Variants in NEDD4 observed in about 807,000 individuals in gnomAD.
NEDD4 encodes E3 ubiquitin-protein ligase NEDD4.
NEDD4 carries 99 observed loss-of-function variants against 144.9 expected under a neutral mutation model. The ratio of observed to expected loss-of-function variants is 0.68; its 90% CI spans 0.58 to 0.81. The LOEUF is 0.81. Among genes scored for constraint, NEDD4 ranks in the 30% least tolerant of loss-of-function variants. The probability of loss-of-function intolerance (pLI) is 0.00; values close to 1 mark genes in which losing one functional copy is unlikely to be tolerated. For missense variants in NEDD4, 985 were observed against 1,065.9 expected (o/e 0.92, Z 1.06); for synonymous variants, 318 against 350.6 (o/e 0.91, Z 1.04).
chr15:55,828,971 A>C lies in NEDD4; in HGVS notation c.*926T>G, dbSNP rs1281196215. On this transcript the variant is annotated 3_prime_UTR_variant, in exon 29 of 29. Transcript: ENST00000435532. ...CCTGTAAACATACATTTACTACATA[A>C]TTGTACAAGTGTAAAGAATATCTAG... 1 of 152,640 alleles carries C rather than the reference A, an allele frequency of 6.6e-6. No homozygotes were observed. Among genetic ancestry groups the C allele is most frequent in the African/African-American group, 2.4e-5 (1 of 41,464 alleles). The allele number at this position is 152,640 out of a possible 1,614,324, so 9.5% of individuals were successfully genotyped here. A position where few individuals can be genotyped will look rare whatever the true frequency, so the allele number is the denominator to read the frequency against.
intron 5 of NEDD4, among the ~76,000 whole-genome samples, chr15:55,881,599 T>A (rs1209041152): frequency 6.6e-6 from 1 of 152,218 alleles, no homozygotes; most frequent in South Asian, 2.1e-4. Flanking sequence ...AACTGAATTA[T>A]CTAGTTAACT....
intron 1 of NEDD4, among the ~76,000 whole-genome samples, chr15:55,976,462 A>G (rs2037700932): frequency 6.6e-6 from 1 of 152,228 alleles, no homozygotes; most frequent in African/African-American, 2.4e-5. Context: ...GAAAACAAGT[A>G]TTTGAAAAGG....
intron 1 of NEDD4, among the ~76,000 whole-genome samples, chr15:55,969,169 A>G (rs2037567205): frequency 6.6e-6 from 1 of 152,192 alleles, no homozygotes; most frequent in Non-Finnish European, 1.5e-5. Flanking sequence ...ATTGGAACTC[A>G]GTGCTGCCCT....
chr15:55,922,254 G>A (rs1043674058), intron 5 of NEDD4, among the ~76,000 whole-genome samples: 1 of 152,142 alleles, frequency 6.6e-6, no homozygotes, highest in Non-Finnish European at 1.5e-5. Flanking sequence ...ATTGAAATGT[G>A]TAATCACAGA....
At chr15:55,905,278 A>G (rs2036053222) in intron 5 of NEDD4, 3 of 455,854 alleles carry the variant, frequency 6.6e-6, no homozygotes, top group African/African-American at 2.0e-5. Context: ...GTCACTAACC[A>G]TGGCTGTAAA....
In NEDD4 at chr15:55,873,912, T is replaced by C. The variant is rs2034897122; in HGVS notation, c.342+46A>G. ...ATTATATATGTAAGTATTTATTAAATTAAAAAAATAAGCCCAAAAGGAAAA... is the reference window on the plus strand; with the variant it reads ...ATTATATATGTAAGTATTTATTAAACTAAAAAAATAAGCCCAAAAGGAAAA... On this transcript the variant is annotated intron_variant, in intron 6 of 28. Coordinates refer to ENST00000435532, the MANE Select transcript of NEDD4 (RefSeq NM_006154.4). 2.8e-6 allele frequency: 3 copies of C among 1,059,356 alleles called. No individual in the cohort carries two copies. The African/African-American group carries it at 4.8e-5, about 17-fold the overall frequency. 65.6% of individuals were successfully genotyped at this position (1,059,356 alleles called of 1,614,324 possible). A position where few individuals can be genotyped will look rare whatever the true frequency, so the allele number is the denominator to read the frequency against.
At chr15:55,939,115 A>AACT in intron 4 of NEDD4, among the ~76,000 whole-genome samples, 1 of 59,814 alleles carries the variant, frequency 1.7e-5, no homozygotes, top group African/African-American at 8.3e-5. Context: ...CGAAAACAAC[A>AACT]ACAACAACAA....
chr15:55,916,429 C>T (rs765087838), intron 5 of NEDD4: 1 of 1,614,054 alleles, frequency 6.2e-7, no homozygotes, highest in Non-Finnish European at 8.5e-7. Context: ...CCATCATTCA[C>T]AGCATTCAAT....
At chr15:55,974,707 T>C (rs1181597768) in intron 1 of NEDD4, among the ~76,000 whole-genome samples, 1 of 150,044 alleles carries the variant, frequency 6.7e-6, no homozygotes, top group Non-Finnish European at 1.5e-5. Context: ...ATTTGATAAA[T>C]TTCAACATCT....
intron 2 of NEDD4, among the ~76,000 whole-genome samples, chr15:55,953,084 G>A (rs985540346): frequency 1.3e-5 from 2 of 151,574 alleles, no homozygotes; most frequent in African/African-American, 4.8e-5. Flanking sequence ...CTGCCTCCTG[G>A]GTTCATGCCA....
At chr15:55,963,200 T>C (rs961206147) in intron 2 of NEDD4, among the ~76,000 whole-genome samples, 7 of 148,680 alleles carry the variant, frequency 4.7e-5, no homozygotes, top group Non-Finnish European at 7.4e-5. Flanking sequence ...GGCAAAATCA[T>C]GGCTCATTGG....
chr15:55,848,691 G>T, intron 15 of NEDD4, 115 bp downstream of exon 15: 1 of 1,265,772 alleles, frequency 7.9e-7, no homozygotes, highest in South Asian at 1.3e-5. Flanking sequence ...ATTCTTAGAA[G>T]GTATCAACAT....
intron 5 of NEDD4, among the ~76,000 whole-genome samples, chr15:55,921,002 T>C (rs549775289): frequency 2.0e-5 from 3 of 152,312 alleles, no homozygotes; most frequent in South Asian, 2.1e-4. Flanking sequence ...ACAGTAGATA[T>C]ACTAAATGGT....
intron 5 of NEDD4, chr15:55,916,943 C>T: frequency 6.7e-7 from 1 of 1,487,134 alleles, no homozygotes; most frequent in Non-Finnish European, 8.9e-7. Flanking sequence ...TTTGTGGTGC[C>T]TAAAAGAGCT....
chr15:55,860,925 G>T (rs1245596358), intron 9 of NEDD4, 147 bp from the exon 10 acceptor site: 6 of 687,128 alleles, frequency 8.7e-6, no homozygotes, highest in Middle Eastern at 3.9e-4. Flanking sequence ...AACATGCAAA[G>T]ATTCAATCAT....
intron 4 of NEDD4, among the ~76,000 whole-genome samples, chr15:55,941,453 A>G (rs2037002187): frequency 6.6e-6 from 1 of 152,200 alleles, no homozygotes; most frequent in Admixed American, 6.5e-5. Context: ...TTTTTGATCC[A>G]TGGCTTATTC....
chr15:55,890,848 G>A (rs552465118), intron 5 of NEDD4, among the ~76,000 whole-genome samples: 29 of 152,240 alleles, frequency 1.9e-4, no homozygotes, highest in African/African-American at 6.7e-4. Context: ...TGGGTGTGAC[G>A]TAGTATACCA....
At chr15:55,850,803 G>C (rs1202879862) in intron 13 of NEDD4, 61 bp from the exon 14 acceptor site, 1 of 1,454,278 alleles carries the variant, frequency 6.9e-7, no homozygotes, top group African/African-American at 1.4e-5. Context: ...AATAGATGTA[G>C]TTAAAAAGGT....
chr15:55,931,108 T>C (rs2036772854), intron 4 of NEDD4, among the ~76,000 whole-genome samples: 1 of 152,186 alleles, frequency 6.6e-6, no homozygotes, highest in Admixed American at 6.5e-5. Context: ...AACAAGTATA[T>C]CTTTCAACAG....
Sources: gnomAD v4.1 joint callset for allele counts (sites outside exome capture counted in the v4.1 genomes callset) on GRCh38, gnomAD v4.1.1 for gene constraint, MANE v1.5 for transcripts, NCBI Gene and HGNC (gene_info 2026-07-23, HGNC 2026-07-21) for gene names.